ADK: variants seen among roughly 807,000 people sequenced by gnomAD.
ADK encodes the protein adenosine kinase, also known as N6,N6-dimethyladenosine kinase.
Under a neutral mutation model 44.7 loss-of-function variants are expected in ADK, and 24 were observed. That is an observed-to-expected ratio of 0.54 (90% confidence interval 0.39 to 0.76). The LOEUF (loss-of-function observed/expected upper bound fraction) is 0.76. Among genes scored for constraint, ADK ranks in the 30% least tolerant of loss-of-function variants. The pLI is 0.00. For missense variants in ADK, 321 were observed against 425.1 expected (o/e 0.76, Z 2.15); for synonymous variants, 128 against 142.6 (o/e 0.90, Z 0.73).
chr10:74,321,150 T>C (rs2131821784), intron 4 of ADK, among the ~76,000 whole-genome samples: 1 of 152,322 alleles, frequency 6.6e-6, no homozygotes, highest in South Asian at 2.1e-4. Context: ...AAAAATGCCA[T>C]CTTGGGGTAT....
intron 7 of ADK, among the ~76,000 whole-genome samples, chr10:74,560,222 C>CT (rs1850407243): frequency 6.6e-6 from 1 of 152,154 alleles, no homozygotes; most frequent in Non-Finnish European, 1.5e-5. Context: ...CCCAGCCTGT[C>CT]TGTTGATTTT....
chr10:74,307,073 T>C (rs1840280137), intron 3 of ADK, among the ~76,000 whole-genome samples: 1 of 152,184 alleles, frequency 6.6e-6, no homozygotes, highest in Non-Finnish European at 1.5e-5. Flanking sequence ...AGGTTCCACA[T>C]GTAACCAGTA....
chr10:74,633,822 G>C (rs1240514920), intron 9 of ADK, among the ~76,000 whole-genome samples: 1 of 152,178 alleles, frequency 6.6e-6, no homozygotes, highest in African/African-American at 2.4e-5. Flanking sequence ...TCTAGGGCCA[G>C]CCCAAGTTGG....
At chr10:74,525,625 T>C (rs1223781311) in intron 7 of ADK, among the ~76,000 whole-genome samples, 199 bp downstream of exon 7, 1 of 152,162 alleles carries the variant, frequency 6.6e-6, no homozygotes, top group African/African-American at 2.4e-5. Flanking sequence ...ACTAACTTCT[T>C]TCTTAGTGAA....
intron 1 of ADK, among the ~76,000 whole-genome samples, chr10:74,173,596 A>G (rs1842232977): frequency 6.7e-6 from 1 of 149,242 alleles, no homozygotes; most frequent in African/African-American, 2.5e-5. Flanking sequence ...GCGCCCAACT[A>G]ATTCTTGTAT....
At chr10:74,596,532 T>C (rs1851931309) in intron 8 of ADK, among the ~76,000 whole-genome samples, 1 of 151,656 alleles carries the variant, frequency 6.6e-6, no homozygotes, top group Non-Finnish European at 1.5e-5. Context: ...AATTCCAATG[T>C]CATTCTCTCT....
intron 7 of ADK, among the ~76,000 whole-genome samples, chr10:74,526,739 T>C (rs182986993): frequency 1.3e-5 from 2 of 152,316 alleles, no homozygotes; most frequent in Admixed American, 1.3e-4. Flanking sequence ...TTCTTGATAA[T>C]TCACAAATTG....
rs11817882 is a variant in ADK at position 74,349,972 on chromosome 10, T to C, written c.273+35227T>C. On this transcript the variant is annotated intron_variant, in intron 4 of 10. Transcript: ENST00000539909. ...TCCACACAATAATAGTGGGAGACTT[T>C]AACACCCCACTGTCAATATGAGATC... Among the ~76,000 whole-genome samples the C allele has an allele frequency of 5.1e-3, 778 of 152,296 alleles. 12 individuals carry two copies. Among genetic ancestry groups the C allele is most frequent in the African/African-American group, 0.017 (723 of 41,556 alleles).
At chr10:74,658,174 A>G (rs1854562727) in intron 9 of ADK, among the ~76,000 whole-genome samples, 1 of 152,222 alleles carries the variant, frequency 6.6e-6, no homozygotes, top group Non-Finnish European at 1.5e-5. Flanking sequence ...GTATTCATGA[A>G]AAAGTACTCT....
At chr10:74,477,086 A>G (rs1192411471) in intron 6 of ADK, among the ~76,000 whole-genome samples, 5 of 152,160 alleles carry the variant, frequency 3.3e-5, no homozygotes, top group Admixed American at 3.3e-4. Flanking sequence ...ATCTTTTGCC[A>G]TATCCTCCCA....
At chr10:74,222,231 A>G (rs1844339655) in intron 2 of ADK, among the ~76,000 whole-genome samples, 2 of 152,202 alleles carry the variant, frequency 1.3e-5, no homozygotes, top group African/African-American at 4.8e-5. Flanking sequence ...AAAAGAAGAC[A>G]TTTATGCAGC....
intron 6 of ADK, among the ~76,000 whole-genome samples, chr10:74,523,634 T>C (rs1564771786): frequency 6.6e-6 from 1 of 152,190 alleles, no homozygotes; most frequent in African/African-American, 2.4e-5. Flanking sequence ...TACTTAGAGA[T>C]CCCTTAGAAC....
intron 4 of ADK, among the ~76,000 whole-genome samples, chr10:74,370,228 A>G (rs997086154): frequency 6.6e-6 from 1 of 152,226 alleles, no homozygotes. Context: ...ACAATTGTAC[A>G]CCTTAAATAT....
intron 7 of ADK, among the ~76,000 whole-genome samples, chr10:74,576,253 A>G (rs1851180247): frequency 6.6e-6 from 1 of 152,200 alleles, no homozygotes. Flanking sequence ...GGGGAAATTC[A>G]AATTCTAAAA....
At chr10:74,243,083 C>T (rs1845284934) in intron 3 of ADK, among the ~76,000 whole-genome samples, 1 of 152,230 alleles carries the variant, frequency 6.6e-6, no homozygotes, top group African/African-American at 2.4e-5. Flanking sequence ...TGGCGGAGGG[C>T]AGCCACCCCA....
At chr10:74,669,646 A>G (rs1855098788) in intron 9 of ADK, among the ~76,000 whole-genome samples, 1 of 152,246 alleles carries the variant, frequency 6.6e-6, no homozygotes, top group Non-Finnish European at 1.5e-5. Flanking sequence ...AAAATAAAAA[A>G]TTCTTGACAT....
At chr10:74,685,780 G>A (rs1855763976) in intron 10 of ADK, among the ~76,000 whole-genome samples, 2 of 152,128 alleles carry the variant, frequency 1.3e-5, no homozygotes, top group South Asian at 4.1e-4. Flanking sequence ...TGGATGGGGA[G>A]GGGCAGTATA....
At chr10:74,635,201 C>T (rs1025220956) in intron 9 of ADK, among the ~76,000 whole-genome samples, 9 of 152,164 alleles carry the variant, frequency 5.9e-5, no homozygotes, top group African/African-American at 2.2e-4. Context: ...AATTAGACTA[C>T]TACTGAAACC....
At position 74,180,690 on chromosome 10, in the gene ADK, C is replaced by T. The variant is rs375135001; in HGVS notation, c.66-20074C>T. Reference sequence around the variant, plus strand: ...AGCCAGGATGGTCTCGATCTCCTGACCTCATGATCTGCCCGCCTCAGCCTC... The same window carrying T: ...AGCCAGGATGGTCTCGATCTCCTGATCTCATGATCTGCCCGCCTCAGCCTC... On this transcript the variant is annotated intron_variant, in intron 1 of 10. Coordinates refer to ENST00000539909, the MANE Select transcript of ADK (RefSeq NM_006721.4). Among the ~76,000 whole-genome samples, 49 of 152,186 alleles carry T rather than the reference C, an allele frequency of 3.2e-4. 2 individuals carry two copies. The highest frequency in any genetic ancestry group is 1.2e-3 in the African/African-American group (48 of 41,520).
Sources: allele counts gnomAD v4.1 joint callset (sites outside exome capture counted in the v4.1 genomes callset), GRCh38; gene constraint gnomAD v4.1.1; transcripts MANE v1.5; gene names NCBI Gene and HGNC (gene_info 2026-07-23, HGNC 2026-07-21).